Variants in AGR3 observed in about 807,000 individuals in gnomAD.
AGR3 encodes the protein anterior gradient 3, protein disulphide isomerase family member.
AGR3 carries 37 observed loss-of-function variants against 24.5 expected under a neutral mutation model. That is an observed-to-expected ratio of 1.51 (90% confidence interval 1.16 to 1.99). The LOEUF is 1.99. Ranked by LOEUF, AGR3 falls within the 30% of genes most tolerant of loss-of-function variation. AGR3 has a pLI of 0.00. For missense variants in AGR3, 228 were observed against 191.1 expected, an observed-to-expected ratio of 1.19 and a Z score of -1.14; for synonymous variants, 75 against 61.6, an observed-to-expected ratio of 1.22 and a Z score of -1.02.
intron 7 of AGR3, among the ~76,000 whole-genome samples, chr7:16,859,833 T>G (rs1041304835): frequency 1.3e-5 from 2 of 152,218 alleles, no homozygotes; most frequent in Non-Finnish European, 2.9e-5. Flanking sequence ...GTCAACTTTA[T>G]GTTGAACAAT....
chr7:16,859,526 A>G lies in AGR3; in HGVS notation c.*56T>C. 1 of 1,183,876 alleles carries G rather than the reference A, an allele frequency of 8.4e-7. No homozygotes were observed. The highest frequency in any genetic ancestry group is 2.1e-5 in the Admixed American group (1 of 48,136). The allele number at this position is 1,183,876 out of a possible 1,614,324, so 73.3% of individuals were successfully genotyped here. ...CATTTAGTATTTGTCAATGTGCCAG[A>G]GGTTTTCTTCATGAAATTTGACTTC... On this transcript the variant is annotated 3_prime_UTR_variant, in exon 8 of 8. Coordinates refer to ENST00000310398, the MANE Select transcript of AGR3 (RefSeq NM_176813.5).
intron 3 of AGR3, among the ~76,000 whole-genome samples, chr7:16,870,071 G>A (rs1781835685): frequency 6.6e-6 from 1 of 151,978 alleles, no homozygotes; most frequent in East Asian, 1.9e-4. Context: ...AATATAATAT[G>A]CACTGCCATT....
At chr7:16,867,497 T>C (rs1781781048) in intron 3 of AGR3, among the ~76,000 whole-genome samples, 1 of 152,202 alleles carries the variant, frequency 6.6e-6, no homozygotes, top group Non-Finnish European at 1.5e-5. Flanking sequence ...TCATCTCACA[T>C]ACTTATTTTT....
At chr7:16,864,047 T>A (rs917255754) in intron 3 of AGR3, among the ~76,000 whole-genome samples, 1 of 152,160 alleles carries the variant, frequency 6.6e-6, no homozygotes, top group Non-Finnish European at 1.5e-5. Flanking sequence ...ATTTAATAAA[T>A]CCTACAGAAA....
At chr7:16,871,156 C>A (rs1781856696) in intron 3 of AGR3, among the ~76,000 whole-genome samples, 1 of 152,154 alleles carries the variant, frequency 6.6e-6, no homozygotes, top group African/African-American at 2.4e-5. Context: ...AATATTCAAA[C>A]AGGCAGGCCT....
intron 2 of AGR3, among the ~76,000 whole-genome samples, chr7:16,876,253 T>C (rs1457103164): frequency 1.3e-5 from 2 of 152,216 alleles, no homozygotes; most frequent in Admixed American, 1.3e-4. Flanking sequence ...TTCTGCTCAT[T>C]ACTCTAATTC....
downstream of AGR3, among the ~76,000 whole-genome samples, chr7:16,856,977 T>C (rs991275852): frequency 4.3e-5 from 1 of 23,502 alleles, no homozygotes; most frequent in South Asian, 6.7e-4. Context: ...TATAGAAAGG[T>C]TTTTTTTTTT....
chr7:16,874,212 G>A (rs554999637), intron 2 of AGR3, among the ~76,000 whole-genome samples: 2 of 152,206 alleles, frequency 1.3e-5, no homozygotes, highest in African/African-American at 2.4e-5. Flanking sequence ...ATATTATTAG[G>A]AATCCTTTCG....
At chr7:16,858,873 T>G (rs1330701053), downstream of AGR3, among the ~76,000 whole-genome samples, 1 of 151,464 alleles carries the variant, frequency 6.6e-6, no homozygotes, top group African/African-American at 2.4e-5. Flanking sequence ...GAGCAAAACT[T>G]TGTCTCAAAT....
chr7:16,870,966 C>T (rs1243502151), intron 3 of AGR3, among the ~76,000 whole-genome samples: 3 of 152,004 alleles, frequency 2.0e-5, no homozygotes, highest in Admixed American at 1.3e-4. Flanking sequence ...TCTTGGGGAG[C>T]TTTTAATAAT....
intron 3 of AGR3, among the ~76,000 whole-genome samples, chr7:16,866,527 A>G (rs1373356207): frequency 6.6e-6 from 1 of 152,110 alleles, no homozygotes; most frequent in Non-Finnish European, 1.5e-5. Flanking sequence ...TGCATTTATA[A>G]TTCTGATATA....
Position 16,864,416 on chromosome 7 carries a change from G to T in AGR3, c.174-1754C>A, listed in dbSNP as rs1315838850. Reference sequence around the variant, plus strand: ...GTTTCCAGCTCTGTGTCCTGTGCGGGTTCACCCAGAGATTCCTCTGCAGAA... The same window carrying T: ...GTTTCCAGCTCTGTGTCCTGTGCGGTTTCACCCAGAGATTCCTCTGCAGAA... On this transcript the variant is annotated intron_variant, in intron 3 of 7. Transcript: ENST00000310398. 7.1e-6 allele frequency: 9 copies of T among 1,275,166 alleles called. No homozygotes were observed. In the East Asian group the frequency reaches 1.9e-4, roughly 26 times the overall value. 79.0% of individuals were successfully genotyped at this position (1,275,166 alleles called of 1,614,324 possible).
chr7:16,871,470 A>G (rs889956933), intron 3 of AGR3, among the ~76,000 whole-genome samples: 2 of 152,174 alleles, frequency 1.3e-5, no homozygotes, highest in African/African-American at 2.4e-5. Flanking sequence ...CAAAATCAAC[A>G]TGCAAAACCA....
chr7:16,878,271 C>T lies in AGR3; in HGVS notation c.109+239G>A, dbSNP rs138153236. ...CAAAGTTATAGACAGCGAGCCAATT[C>T]TCCATTATTTTGGCAAAAGATAATG... On this transcript the variant is annotated intron_variant, in intron 2 of 7. Coordinates refer to ENST00000310398, the MANE Select transcript of AGR3 (RefSeq NM_176813.5). Among the ~76,000 whole-genome samples, 967 of 152,280 alleles carry T rather than the reference C, an allele frequency of 6.4e-3. 42 individuals are homozygous for T. Among genetic ancestry groups the T allele is most frequent in the Admixed American group, 0.058 (883 of 15,298 alleles).
chr7:16,878,743 C>G, intron 1 of AGR3, 98 bp from the exon 2 acceptor site: 2 of 879,364 alleles, frequency 2.3e-6, no homozygotes, highest in Non-Finnish European at 3.5e-6. Context: ...TGATGACAGA[C>G]TGTTCAGCTT....
intron 3 of AGR3, among the ~76,000 whole-genome samples, chr7:16,868,816 A>C (rs376167557): frequency 7.2e-5 from 11 of 152,202 alleles, no homozygotes; most frequent in African/African-American, 2.4e-4. Context: ...GGCTCTTTGG[A>C]TAGCTATTCA....
chr7:16,874,165 G>T (rs4607492), intron 2 of AGR3, among the ~76,000 whole-genome samples: 1 of 151,998 alleles, frequency 6.6e-6, no homozygotes, highest in African/African-American at 2.4e-5. Flanking sequence ...CTTTAGGAAC[G>T]CTTGGAAAGT....
intron 2 of AGR3, among the ~76,000 whole-genome samples, chr7:16,877,174 G>T (rs1211506501): frequency 6.7e-6 from 1 of 150,266 alleles, no homozygotes; most frequent in African/African-American, 2.4e-5. Context: ...ATGTACTTGG[G>T]AAGCAAGTCA....
intron 6 of AGR3, among the ~76,000 whole-genome samples, chr7:16,860,901 T>C (rs1159546168): frequency 6.6e-6 from 1 of 152,236 alleles, no homozygotes; most frequent in Non-Finnish European, 1.5e-5. Context: ...GAACATTCAC[T>C]ATTTGGTTTT....
Sources: allele counts gnomAD v4.1 joint callset (sites outside exome capture counted in the v4.1 genomes callset), GRCh38; gene constraint gnomAD v4.1.1; transcripts MANE v1.5; gene names NCBI Gene and HGNC (gene_info 2026-07-23, HGNC 2026-07-21).